CREBBP: variants seen among roughly 807,000 people sequenced by gnomAD.
CREBBP encodes the protein CREB-binding protein.
A neutral mutation model predicts 265.0 loss-of-function variants in CREBBP; 19 were observed. The observed-to-expected ratio is 0.07, with a 90% CI of 0.05 to 0.11. The LOEUF is 0.11. Ranked by LOEUF, CREBBP falls within the 10% of genes least tolerant of loss-of-function variation. CREBBP has a pLI of 1.00. For synonymous variants in CREBBP, 1,457 were observed against 1,223.7 expected (o/e 1.19, Z -3.98); for missense variants, 2,525 against 3,219.0 (o/e 0.78, Z 5.22).
intron 21 of CREBBP, among the ~76,000 whole-genome samples, chr16:3,747,908 T>C (rs13334719): frequency 1.3e-5 from 2 of 151,884 alleles, no homozygotes; most frequent in African/African-American, 2.4e-5. Flanking sequence ...GCTAACATGG[T>C]GAAACCCCGT....
intron 16 of CREBBP, among the ~76,000 whole-genome samples, chr16:3,766,656 G>C (rs577072920): frequency 6.6e-6 from 1 of 152,034 alleles, no homozygotes; most frequent in Non-Finnish European, 1.5e-5. Context: ...TTCTCGAGCA[G>C]CTAGAATTAT....
At chr16:3,868,510 G>GT (rs2055225850) in intron 1 of CREBBP, among the ~76,000 whole-genome samples, 2 of 151,998 alleles carry the variant, frequency 1.3e-5, no homozygotes, top group Non-Finnish European at 2.9e-5. Flanking sequence ...CTGGACACGG[G>GT]TTTTTTAAAG....
Position 3,778,067 on chromosome 16 carries a change from G to T in CREBBP, c.2057C>A (p.Pro686Gln). ...CACAGGGGGCTGAGCCCCCGGGGCT[G>T]GTAAGGCTGGCTGGTTCCCCAAGAT... is the stretch of plus-strand genomic sequence containing the variant. Reference protein sequence around the residue: ...QGILGNQPALPAPGAQPPVIP... With the variant: ...QGILGNQPALQAPGAQPPVIP... Residue 686 changes from proline to glutamine, a missense_variant, in exon 10 of 31, where the codon CCA (proline) becomes CAA (glutamine). Physicochemically the swap from Pro to Gln is moderately conservative, Grantham distance 76 (BLOSUM62 -1). This residue lies in a region of CREBBP where 548 missense variants were observed against 533.0 expected (regional missense o/e 1.03). Coordinates refer to ENST00000262367, the MANE Select transcript of CREBBP (RefSeq NM_004380.3). The T allele has an allele frequency of 6.2e-7, 1 of 1,614,218 alleles. No individual in the cohort carries two copies. Among genetic ancestry groups the T allele is most frequent in the Non-Finnish European group, 8.5e-7 (1 of 1,180,036 alleles).
chr16:3,785,074 G>A (rs2053354716), intron 5 of CREBBP, among the ~76,000 whole-genome samples: 1 of 152,226 alleles, frequency 6.6e-6, no homozygotes, highest in South Asian at 2.1e-4. Context: ...TCCAAATGAT[G>A]CTATTACATG....
chr16:3,746,096 T>C (rs751412498), intron 21 of CREBBP, among the ~76,000 whole-genome samples: 3 of 152,002 alleles, frequency 2.0e-5, no homozygotes, highest in African/African-American at 7.3e-5. Context: ...AGACCTTGGG[T>C]TTTTGTCAGC....
intron 3 of CREBBP, among the ~76,000 whole-genome samples, chr16:3,800,424 G>T: frequency 6.6e-6 from 1 of 152,244 alleles, no homozygotes; most frequent in Non-Finnish European, 1.5e-5. Context: ...CGGCCTTCCA[G>T]TAAAAATTCT....
intron 5 of CREBBP, chr16:3,791,405 G>T (rs568844034): frequency 3.3e-4 from 57 of 171,592 alleles, no homozygotes; most frequent in African/African-American, 1.3e-3. Context: ...TAGGGCAGAG[G>T]CTCTCACTGT....
At chr16:3,782,579 A>T in intron 6 of CREBBP, 105 bp downstream of exon 6, 1 of 1,434,758 alleles carries the variant, frequency 7.0e-7, no homozygotes, top group Non-Finnish European at 9.5e-7. Context: ...CAACCACCGT[A>T]GTAAAAAACA....
In CREBBP at chr16:3,791,492, T is replaced by A. The variant is rs142077652; in HGVS notation, c.1330+489A>T. 5.9e-5 allele frequency among the ~76,000 whole-genome samples: 9 copies of A among 152,266 alleles called. No homozygotes were observed. In the East Asian group the frequency reaches 1.7e-3, roughly 29 times the overall value. On this transcript the variant is annotated intron_variant, in intron 5 of 30. Coordinates refer to ENST00000262367, the MANE Select transcript of CREBBP (RefSeq NM_004380.3). ...ACGTAGAGGGAAACCTTCATAAATG[T>A]CTGTGTGGGATTTTATACTGACCCA...
At chr16:3,870,928 G>A (rs1354301461) in intron 1 of CREBBP, among the ~76,000 whole-genome samples, 1 of 151,902 alleles carries the variant, frequency 6.6e-6, no homozygotes, top group Non-Finnish European at 1.5e-5. Context: ...GGAGGCCGAG[G>A]CAGGATTGCT....
intron 23 of CREBBP, chr16:3,741,528 G>A (rs542998433): frequency 6.6e-6 from 1 of 152,216 alleles, no homozygotes; most frequent in African/African-American, 2.4e-5. Flanking sequence ...AATGTGGCCG[G>A]GCACAATGGC....
intron 26 of CREBBP, chr16:3,737,079 C>A (rs923458464): frequency 3.6e-6 from 2 of 551,802 alleles, no homozygotes; most frequent in Non-Finnish European, 6.5e-6. Context: ...AACCTGAGGC[C>A]TCATTAAAGA....
At chr16:3,758,073 G>A (rs936216283) in intron 17 of CREBBP, 25 bp from the exon 18 acceptor site, 3 of 1,609,528 alleles carry the variant, frequency 1.9e-6, no homozygotes, top group Non-Finnish European at 1.7e-6. Context: ...AATGGTCTCA[G>A]TATAGGGAAT....
chr16:3,809,723 C>A (rs2053898993), intron 3 of CREBBP, among the ~76,000 whole-genome samples: 1 of 152,188 alleles, frequency 6.6e-6, no homozygotes, highest in East Asian at 1.9e-4. Context: ...TAGGAATTCT[C>A]TGTGCTATCT....
rs751739281 is a variant in CREBBP, at chr16:3,729,019, C to T, written c.6028G>A (p.Gly2010Arg). Residue 2010 changes from glycine (G) to arginine (R), a missense_variant, in exon 31 of 31, where the codon GGG (glycine) becomes AGG (arginine). This residue lies in a region of CREBBP where 275 missense variants were observed against 276.5 expected (regional missense o/e 0.99). Transcript: ENST00000262367. Reference sequence around the variant, plus strand: ...GGAGGCATGCTGGGCATGACGGGCCCGCTCACCTGGTTGGGTCGGGGCACA... The same window carrying T: ...GGAGGCATGCTGGGCATGACGGGCCTGCTCACCTGGTTGGGTCGGGGCACA... Reference protein sequence around the residue: ...LNVPRPNQVSGPVMPSMPPGQ... With the variant: ...LNVPRPNQVSRPVMPSMPPGQ... 17 of 1,591,458 alleles carry T rather than the reference C, an allele frequency of 1.1e-5. No individual in the cohort carries two copies. Among genetic ancestry groups the T allele is most frequent in the Admixed American group, 3.4e-5 (2 of 58,230 alleles).
At chr16:3,781,383 C>T in intron 6 of CREBBP, 77 bp from the exon 7 acceptor site, 1 of 1,132,330 alleles carries the variant, frequency 8.8e-7, no homozygotes, top group Non-Finnish European at 1.3e-6. Flanking sequence ...AGATAACCAA[C>T]ATGCCACCAT....
intron 11 of CREBBP, among the ~76,000 whole-genome samples, chr16:3,776,943 G>A (rs189927787): frequency 2.8e-4 from 42 of 148,672 alleles, no homozygotes; most frequent in Non-Finnish European, 4.9e-4. Flanking sequence ...GCATGAACCC[G>A]GGAGGCGGAG....
At position 3,760,977 on chromosome 16, in the gene CREBBP, G is replaced by A. The variant is rs146837381; in HGVS notation, c.3251-2005C>T. ...TGAAAAGATTTGTTTTTTTTGAGACGGAGTTTCACTCTTGTTGTCTAGGCT... is the reference window on the plus strand; with the variant it reads ...TGAAAAGATTTGTTTTTTTTGAGACAGAGTTTCACTCTTGTTGTCTAGGCT... On this transcript the variant is annotated intron_variant, in intron 16 of 30. Coordinates refer to ENST00000262367, the MANE Select transcript of CREBBP (RefSeq NM_004380.3). Among the ~76,000 whole-genome samples the A allele has an allele frequency of 3.9e-3, 591 of 151,968 alleles. 3 individuals are homozygous for A. The highest frequency in any genetic ancestry group is 0.014 in the African/African-American group (564 of 41,450).
intron 2 of CREBBP, among the ~76,000 whole-genome samples, chr16:3,822,190 T>C (rs1420949569): frequency 1.3e-5 from 2 of 151,922 alleles, no homozygotes; most frequent in Non-Finnish European, 2.9e-5. Context: ...ACCTTCCACA[T>C]AGAGCGCTCA....
Sources: gnomAD v4.1 joint callset for allele counts (sites outside exome capture counted in the v4.1 genomes callset) on GRCh38, gnomAD v4.1.1 for gene constraint, gnomAD v4.1.1 regional missense constraint, MANE v1.5 for transcripts, NCBI Gene and HGNC (gene_info 2026-07-23, HGNC 2026-07-21) for gene names.